AKAP8L: variants seen among roughly 807,000 people sequenced by gnomAD.
AKAP8L encodes the protein A-kinase anchor protein 8-like.
A neutral mutation model predicts 77.5 loss-of-function variants in AKAP8L; 34 were observed. The observed-to-expected ratio is 0.44, with a 90% CI of 0.33 to 0.58. AKAP8L has a LOEUF of 0.58. Ranked by LOEUF, AKAP8L falls within the 20% of genes least tolerant of loss-of-function variation. The pLI is 0.02. For missense variants in AKAP8L, 806 were observed against 887.6 expected (o/e 0.91, Z 1.17); for synonymous variants, 342 against 340.7 (o/e 1.00, Z -0.04).
At chr19:15,400,738 C>T (rs747124792) in intron 7 of AKAP8L, 56 bp downstream of exon 7, 57 of 1,600,754 alleles carry the variant, frequency 3.6e-5, no homozygotes, top group Non-Finnish European at 4.6e-5. Context: ...GAGCACCACT[C>T]TTTAGGCCAG....
chr19:15,400,099 G>T, intron 8 of AKAP8L, 196 bp downstream of exon 8: 3 of 617,848 alleles, frequency 4.9e-6, no homozygotes, highest in Non-Finnish European at 8.6e-6. Flanking sequence ...CACAGCCTCC[G>T]CCTGGGAAGG....
intron 12 of AKAP8L, among the ~76,000 whole-genome samples, chr19:15,389,486 G>A (rs1967614435): frequency 6.6e-6 from 1 of 151,610 alleles, no homozygotes; most frequent in Non-Finnish European, 1.5e-5. Context: ...CATCAAAGCA[G>A]CTCAGGCCGG....
Position 15,400,839 on chromosome 19 carries a change from T to G in AKAP8L, c.939A>C (p.Thr313=). The G allele has an allele frequency of 5.0e-6, 8 of 1,614,028 alleles. No homozygotes were observed. The highest frequency in any genetic ancestry group is 6.8e-6 in the Non-Finnish European group (8 of 1,179,890). ...CAGCCTCGGTGCCTTCAAGGCCCTC[T>G]GTGGCTTCCCCCTCGGTGCCCTCAT... ...DNDEGTEGEA[T]EGLEGTEAVE... Residue 313 remains threonine, a synonymous_variant, in exon 7 of 14, where the codon ACA becomes ACC. Transcript: ENST00000397410.
At position 15,411,541 on chromosome 19, in the gene AKAP8L, T is replaced by C. The variant is rs529318131; in HGVS notation, c.14-947A>G. 1.8e-4 allele frequency among the ~76,000 whole-genome samples: 28 copies of C among 151,942 alleles called. No homozygotes were observed. In the East Asian group the frequency reaches 5.2e-3, roughly 28 times the overall value. On this transcript the variant is annotated intron_variant, in intron 1 of 13. Coordinates refer to ENST00000397410, the MANE Select transcript of AKAP8L (RefSeq NM_014371.4). ...TGGGAGGCTGAGGTGGGAGTGTCACTTGAGCCCAGAAGGTCAAGGCTGCAG... is the reference window on the plus strand; with the variant it reads ...TGGGAGGCTGAGGTGGGAGTGTCACCTGAGCCCAGAAGGTCAAGGCTGCAG...
At chr19:15,380,676 C>A in intron 12 of AKAP8L, 64 bp from the exon 13 acceptor site, 1 of 1,538,754 alleles carries the variant, frequency 6.5e-7, no homozygotes, top group Non-Finnish European at 8.9e-7. Context: ...GCTGCCCCGA[C>A]CCTGCCAGCT....
chr19:15,399,239 C>G lies in AKAP8L; in HGVS notation c.1157+63G>C. The G allele has an allele frequency of 6.8e-7, 1 of 1,470,494 alleles. No individual in the cohort carries two copies. Among genetic ancestry groups the G allele is most frequent in the South Asian group, 1.1e-5 (1 of 87,994 alleles). 91.1% of individuals were successfully genotyped at this position (1,470,494 alleles called of 1,614,324 possible). Reference sequence around the variant, plus strand: ...GCGGCGAGCTGGCAGAGCTATGGCCCTGCTCTCCTGGCGGCAGCCCCACAG... The same window carrying G: ...GCGGCGAGCTGGCAGAGCTATGGCCGTGCTCTCCTGGCGGCAGCCCCACAG... On this transcript the variant is annotated intron_variant, in intron 9 of 13. Coordinates refer to ENST00000397410, the MANE Select transcript of AKAP8L (RefSeq NM_014371.4). The surrounding 1 kb of genome is among the most constrained non-coding windows in gnomAD (Gnocchi z 6.1).
At chr19:15,380,465 G>A (rs751291976) in intron 13 of AKAP8L, 35 bp from the exon 14 acceptor site, 1 of 1,612,276 alleles carries the variant, frequency 6.2e-7, no homozygotes, top group Non-Finnish European at 8.5e-7. Flanking sequence ...AAGGGAGGGA[G>A]CACAGGCGGG....
intron 12 of AKAP8L, among the ~76,000 whole-genome samples, chr19:15,386,768 C>T (rs964010046): frequency 7.2e-5 from 11 of 152,176 alleles, no homozygotes; most frequent in African/African-American, 2.7e-4. Context: ...AAACAATTCT[C>T]CTGCCTCAGC....
chr19:15,416,686 T>TA (rs1968213496), intron 1 of AKAP8L, among the ~76,000 whole-genome samples: 1 of 152,222 alleles, frequency 6.6e-6, no homozygotes, highest in Non-Finnish European at 1.5e-5. Flanking sequence ...CTATGACAAG[T>TA]ACAGTAGCAT....
Position 15,414,336 on chromosome 19 carries a change from C to T in AKAP8L, c.14-3742G>A, listed in dbSNP as rs1278942406. ...TCTCCCAAAGTGCTGGGATTACAGG[C>T]GTGAGCCACCACGCCCGGCCTAAAT... On this transcript the variant is annotated intron_variant, in intron 1 of 13. Coordinates refer to ENST00000397410, the MANE Select transcript of AKAP8L (RefSeq NM_014371.4). Among the ~76,000 whole-genome samples, 4 of 152,234 alleles carry T rather than the reference C, an allele frequency of 2.6e-5. 1 individual carries two copies. Among genetic ancestry groups the T allele is most frequent in the South Asian group, 4.1e-4 (2 of 4,828 alleles).
chr19:15,406,458 AT>A (rs1968003722), intron 2 of AKAP8L, among the ~76,000 whole-genome samples: 1 of 150,300 alleles, frequency 6.7e-6, no homozygotes, highest in South Asian at 2.1e-4. Flanking sequence ...ATATGTAAAA[AT>A]AAGATATATG....
At chr19:15,409,447 T>C (rs918441766) in intron 2 of AKAP8L, among the ~76,000 whole-genome samples, 3 of 152,222 alleles carry the variant, frequency 2.0e-5, no homozygotes, top group Non-Finnish European at 2.9e-5. Flanking sequence ...GTCTTCCCTT[T>C]TCCTGGGACT....
chr19:15,382,383 A>G (rs1967437693), intron 12 of AKAP8L, among the ~76,000 whole-genome samples: 1 of 151,796 alleles, frequency 6.6e-6, no homozygotes, highest in Admixed American at 6.6e-5. Flanking sequence ...TTGTATTTTT[A>G]GTAGATACAG....
Position 15,403,124 on chromosome 19 carries a change from A to G in AKAP8L, c.362+351T>C, listed in dbSNP as rs548288229. Among the ~76,000 whole-genome samples the G allele has an allele frequency of 6.6e-6, 1 of 152,244 alleles. No individual in the cohort carries two copies. The highest frequency in any genetic ancestry group is 2.4e-5 in the African/African-American group (1 of 41,550). Reference sequence around the variant, plus strand: ...CAAACTCCATCTGTCCTGCCCTGACACCACGCAGGAGGCAAAGTCTCGAGA... The same window carrying G: ...CAAACTCCATCTGTCCTGCCCTGACGCCACGCAGGAGGCAAAGTCTCGAGA... On this transcript the variant is annotated intron_variant, in intron 4 of 13. Transcript: ENST00000397410. This position sits in a 1 kb window ranked among gnomAD's most constrained non-coding sequence, Gnocchi z 4.3.
Position 15,399,638 on chromosome 19 carries a change from A to G in AKAP8L, c.1049-228T>C. ...CCAGGCGATGACCCCTCCACTCTCC[A>G]GGACACCCATGCTCTCTGTGCAGTG... On this transcript the variant is annotated intron_variant, in intron 8 of 13. Transcript: ENST00000397410. This position sits in a 1 kb window ranked among gnomAD's most constrained non-coding sequence, Gnocchi z 6.1. The G allele has an allele frequency of 1.8e-6, 1 of 567,082 alleles. No individual in the cohort carries two copies. The highest frequency in any genetic ancestry group is 3.1e-5 in the East Asian group (1 of 32,756). 35.1% of individuals were successfully genotyped at this position (567,082 alleles called of 1,614,324 possible).
intron 2 of AKAP8L, among the ~76,000 whole-genome samples, chr19:15,406,583 C>T (rs1968006158): frequency 6.6e-6 from 1 of 152,092 alleles, no homozygotes; most frequent in Non-Finnish European, 1.5e-5. Context: ...TCTTCTGCCT[C>T]AGCCTCCGGA....
At chr19:15,392,188 G>A (rs1202859555) in intron 12 of AKAP8L, among the ~76,000 whole-genome samples, 1 of 152,200 alleles carries the variant, frequency 6.6e-6, no homozygotes, top group Non-Finnish European at 1.5e-5. Context: ...GTTCAGTGAG[G>A]TTGTAGGGTA....
At chr19:15,389,002 CAA>C (rs1457954713) in intron 12 of AKAP8L, among the ~76,000 whole-genome samples, 1 of 148,602 alleles carries the variant, frequency 6.7e-6, no homozygotes, top group African/African-American at 2.5e-5. Flanking sequence ...ATCACAAGGT[CAA>C]GAGATGGAGA....
chr19:15,395,936 A>G (rs377336241), intron 12 of AKAP8L, among the ~76,000 whole-genome samples: 37 of 122,992 alleles, frequency 3.0e-4, no homozygotes, highest in African/African-American at 1.1e-3. Context: ...GTGAGCCGAG[A>G]TCGCGCCACT....
Sources: gnomAD v4.1 joint callset for allele counts (sites outside exome capture counted in the v4.1 genomes callset) on GRCh38, gnomAD v4.1.1 for gene constraint, Gnocchi (gnomAD v3.1) non-coding constraint, MANE v1.5 for transcripts, NCBI Gene and HGNC (gene_info 2026-07-23, HGNC 2026-07-21) for gene names.